Variants in IL1RAPL2 observed in about 807,000 individuals in gnomAD.
IL1RAPL2 encodes interleukin 1 receptor accessory protein like 2, also known as X-linked interleukin-1 receptor accessory protein-like 2.
IL1RAPL2 carries 3 observed loss-of-function variants against 44.1 expected under a neutral mutation model. The observed-to-expected ratio is 0.07, with a 90% CI of 0.03 to 0.18. The LOEUF is 0.18. Ranked by LOEUF, IL1RAPL2 falls within the 10% of genes least tolerant of loss-of-function variation. The pLI, the probability that IL1RAPL2 is intolerant of heterozygous loss-of-function variation, is 1.00. For synonymous variants in IL1RAPL2, 181 were observed against 178.8 expected (o/e 1.01, Z -0.10); for missense variants, 391 against 496.4 (o/e 0.79, Z 2.02).
At chrX:104,648,841 T>G (rs58936272) in intron 1 of IL1RAPL2, among the ~76,000 whole-genome samples, 3,022 of 111,327 alleles carry the variant, frequency 0.027, 119 homozygotes, top group African/African-American at 0.093. Context: ...TTGTGGACTA[T>G]GTATGGAGCC....
intron 5 of IL1RAPL2, among the ~76,000 whole-genome samples, chrX:105,317,265 A>G (rs1271123031): frequency 8.9e-6 from 1 of 112,141 alleles, no homozygotes; most frequent in Non-Finnish European, 1.9e-5. Flanking sequence ...GAATTCCTCT[A>G]TAAAGTATAG....
chrX:104,793,505 G>T (rs1272743704), intron 2 of IL1RAPL2, among the ~76,000 whole-genome samples: 2 of 112,063 alleles, frequency 1.8e-5, no homozygotes, highest in Non-Finnish European at 3.8e-5. Flanking sequence ...AATGTTTGTT[G>T]TTGATGATGT....
chrX:105,376,407 T>C (rs1007296416), intron 5 of IL1RAPL2, among the ~76,000 whole-genome samples: 3 of 111,913 alleles, frequency 2.7e-5, no homozygotes, highest in African/African-American at 9.7e-5. Flanking sequence ...CATGAAGGTT[T>C]TATATTAACC....
At chrX:105,611,868 T>C (rs769157786) in intron 6 of IL1RAPL2, among the ~76,000 whole-genome samples, 14 of 112,033 alleles carry the variant, frequency 1.2e-4, no homozygotes, top group Non-Finnish European at 1.7e-4. Context: ...TTTTCTTTTT[T>C]TATCATGGTG....
intron 2 of IL1RAPL2, among the ~76,000 whole-genome samples, chrX:104,738,121 G>A (rs192456051): frequency 8.4e-4 from 94 of 111,520 alleles, no homozygotes; most frequent in South Asian, 3.8e-3. Flanking sequence ...CACAGTGCCT[G>A]GCACCACCAT....
At chrX:105,282,615 G>A (rs1245967542) in intron 5 of IL1RAPL2, among the ~76,000 whole-genome samples, 3 of 111,550 alleles carry the variant, frequency 2.7e-5, no homozygotes, top group Admixed American at 1.9e-4. Flanking sequence ...CTGTCATATA[G>A]TAGTCACTTA....
At chrX:105,640,687 TATATAC>T (rs1270093281) in intron 6 of IL1RAPL2, among the ~76,000 whole-genome samples, 4 of 90,306 alleles carry the variant, frequency 4.4e-5, no homozygotes, top group African/African-American at 8.4e-5. Flanking sequence ...TATATATATA[TATATAC>T]ACACACATAT....
At chrX:105,479,199 C>T (rs1054352793) in intron 5 of IL1RAPL2, among the ~76,000 whole-genome samples, 4 of 110,985 alleles carry the variant, frequency 3.6e-5, no homozygotes, top group African/African-American at 6.6e-5. Flanking sequence ...CAATTCAGGT[C>T]CCTTCTTTAG....
At chrX:105,110,524 T>C (rs998976661) in intron 2 of IL1RAPL2, among the ~76,000 whole-genome samples, 1 of 112,325 alleles carries the variant, frequency 8.9e-6, no homozygotes, top group Non-Finnish European at 1.9e-5. Flanking sequence ...GTGCAAGACA[T>C]TACTGGCTCA....
intron 2 of IL1RAPL2, among the ~76,000 whole-genome samples, chrX:105,104,818 G>A (rs2032717691): frequency 8.9e-6 from 1 of 112,109 alleles, no homozygotes; most frequent in South Asian, 3.7e-4. Context: ...TGTGATAAAT[G>A]CTATTGAATG....
intron 2 of IL1RAPL2, among the ~76,000 whole-genome samples, chrX:104,952,364 T>C (rs1174215613): frequency 8.9e-6 from 1 of 112,082 alleles, no homozygotes; most frequent in Non-Finnish European, 1.9e-5. Flanking sequence ...CAAAATAGCA[T>C]GCCTCAAGCA....
At chrX:105,000,877 A>G (rs1394267106) in intron 2 of IL1RAPL2, among the ~76,000 whole-genome samples, 1 of 111,117 alleles carries the variant, frequency 9.0e-6, no homozygotes, top group Non-Finnish European at 1.9e-5. Context: ...ATATAATGAG[A>G]ATTTTGGCTT....
chrX:105,739,165 C>G (rs868083179), intron 7 of IL1RAPL2, among the ~76,000 whole-genome samples: 2 of 111,123 alleles, frequency 1.8e-5, no homozygotes, highest in African/African-American at 6.5e-5. Context: ...AACCTATACT[C>G]CTACAGATTT....
chrX:105,206,737 GTCT>G (rs1225833549), intron 3 of IL1RAPL2, among the ~76,000 whole-genome samples: 2 of 111,961 alleles, frequency 1.8e-5, no homozygotes, highest in Non-Finnish European at 3.8e-5. Flanking sequence ...CAGAGAACTA[GTCT>G]TCTTGTTTTA....
intron 6 of IL1RAPL2, among the ~76,000 whole-genome samples, chrX:105,587,877 A>G (rs1232461312): frequency 9.0e-5 from 10 of 110,589 alleles, no homozygotes; most frequent in Non-Finnish European, 1.9e-4. Flanking sequence ...TATCTCTACA[A>G]AAATTTTAAA....
At chrX:105,373,755 C>A (rs1401321002) in intron 5 of IL1RAPL2, among the ~76,000 whole-genome samples, 2 of 110,947 alleles carry the variant, frequency 1.8e-5, no homozygotes, top group African/African-American at 6.6e-5. Context: ...GTTATCCCAG[C>A]ACCATTTGTC....
chrX:104,582,614 T>C (rs201403944), intron 1 of IL1RAPL2, among the ~76,000 whole-genome samples: 1,292 of 41,175 alleles, frequency 0.031, 50 homozygotes, highest in African/African-American at 0.097. Context: ...CTTTCTTTCT[T>C]TCTTTCTTTC....
intron 2 of IL1RAPL2, among the ~76,000 whole-genome samples, chrX:105,169,507 T>C (rs1178864876): frequency 2.3e-4 from 18 of 76,911 alleles, no homozygotes; most frequent in Middle Eastern, 6.0e-3. Context: ...TTTTTTTTTT[T>C]TTTTTTTTTT....
intron 2 of IL1RAPL2, among the ~76,000 whole-genome samples, chrX:105,061,609 A>T (rs977933665): frequency 2.7e-5 from 3 of 112,066 alleles, no homozygotes; most frequent in Non-Finnish European, 5.6e-5. Flanking sequence ...TTCCAGAAAG[A>T]AAATCAACAA....
Sources: allele counts gnomAD v4.1 joint callset (sites outside exome capture counted in the v4.1 genomes callset), GRCh38; gene constraint gnomAD v4.1.1; transcripts MANE v1.5; gene names NCBI Gene and HGNC (gene_info 2026-07-23, HGNC 2026-07-21).